KIAA0930: variants seen among roughly 807,000 people sequenced by gnomAD.
KIAA0930 encodes the protein KIAA0930.
A neutral mutation model predicts 43.9 loss-of-function variants in KIAA0930; 24 were observed. The ratio of observed to expected loss-of-function variants is 0.55; its 90% CI spans 0.40 to 0.77. The LOEUF (loss-of-function observed/expected upper bound fraction) is 0.77, where lower values mean the gene tolerates loss of function less well. Among genes scored for constraint, KIAA0930 ranks in the 30% least tolerant of loss-of-function variants. KIAA0930 has a pLI of 0.00. For synonymous variants in KIAA0930, 259 were observed against 216.4 expected (o/e 1.20, Z -1.73); for missense variants, 461 against 574.2 (o/e 0.80, Z 2.02).
At chr22:45,200,134 C>T in intron 7 of KIAA0930, 99 bp from the exon 8 acceptor site, 5 of 1,256,776 alleles carry the variant, frequency 4.0e-6, no homozygotes, top group Non-Finnish European at 5.3e-6. Flanking sequence ...CCTGACACAG[C>T]TCCCAGGGAA....
chr22:45,226,337 G>A (rs377401043), intron 1 of KIAA0930: 12 of 470,954 alleles, frequency 2.5e-5, no homozygotes, highest in African/African-American at 1.6e-4. Context: ...GTTGGGCTTC[G>A]TATCCAGTTC....
At position 45,193,430 on chromosome 22, in the gene KIAA0930, A is replaced by C. The variant is rs2083507802; in HGVS notation, c.*3746T>G. ...TTCCTCTGGGACATCTTTTAATGAA[A>C]AAAAAAAGTTTTACTTTGTTCTTCA... On this transcript the variant is annotated 3_prime_UTR_variant, in exon 10 of 10. Coordinates refer to ENST00000336156, the MANE Select transcript of KIAA0930 (RefSeq NM_001009880.2). 6.6e-6 allele frequency: 1 copy of C among 152,202 alleles called. No homozygotes were observed. The highest frequency in any genetic ancestry group is 1.9e-4 in the East Asian group (1 of 5,206). 9.4% of individuals were successfully genotyped at this position (152,202 alleles called of 1,614,324 possible). A position where few individuals can be genotyped will look rare whatever the true frequency, so the allele number is the denominator to read the frequency against.
intron 1 of KIAA0930, among the ~76,000 whole-genome samples, chr22:45,223,487 A>G (rs565871089): frequency 2.6e-5 from 4 of 152,272 alleles, no homozygotes; most frequent in African/African-American, 7.2e-5. Flanking sequence ...GGCAGTAACA[A>G]TGGTATCTAC....
chr22:45,230,574 C>A (rs1041170048), intron 1 of KIAA0930, among the ~76,000 whole-genome samples: 44 of 145,512 alleles, frequency 3.0e-4, no homozygotes, highest in Non-Finnish European at 5.3e-4. Flanking sequence ...TACCCCAGAT[C>A]ACATTCTTTT....
In KIAA0930 at chr22:45,201,100, G is replaced by A. The variant is rs937845955; in HGVS notation, c.853-1065C>T. 76 of 456,080 alleles carry A rather than the reference G, an allele frequency of 1.7e-4. 5 individuals carry two copies. The highest frequency in any genetic ancestry group is 1.6e-3 in the Middle Eastern group (2 of 1,218). 28.3% of individuals were successfully genotyped at this position (456,080 alleles called of 1,614,324 possible). A position where few individuals can be genotyped will look rare whatever the true frequency, so the allele number is the denominator to read the frequency against. ...CCGTCAGCCTCCTCGTCACGGCTCC[G>A]ACATCCACCAAAGTCCTGGCAGCTG... is the stretch of plus-strand genomic sequence containing the variant. On this transcript the variant is annotated intron_variant, in intron 7 of 9. Transcript: ENST00000336156.
At chr22:45,214,317 G>A (rs1738860116) in intron 1 of KIAA0930, among the ~76,000 whole-genome samples, 1 of 152,164 alleles carries the variant, frequency 6.6e-6, no homozygotes, top group Non-Finnish European at 1.5e-5. Context: ...ACAGAGACTG[G>A]TACACAAATG....
intron 1 of KIAA0930, among the ~76,000 whole-genome samples, chr22:45,216,146 G>A (rs867855062): frequency 1.3e-5 from 2 of 152,200 alleles, no homozygotes; most frequent in Non-Finnish European, 1.5e-5. Flanking sequence ...AGGAAAGGTC[G>A]GGACTGGAGG....
At chr22:45,230,469 T>C (rs1256111378) in intron 1 of KIAA0930, among the ~76,000 whole-genome samples, 1 of 152,080 alleles carries the variant, frequency 6.6e-6, no homozygotes, top group Non-Finnish European at 1.5e-5. Context: ...CCTCTCTATG[T>C]CCGGAGGAAA....
At chr22:45,198,297 C>T (rs533140695) in intron 8 of KIAA0930, among the ~76,000 whole-genome samples, 1 of 152,380 alleles carries the variant, frequency 6.6e-6, no homozygotes, top group Admixed American at 6.5e-5. Flanking sequence ...TAGGCACCGC[C>T]ACCTGCAGAG....
intron 1 of KIAA0930, among the ~76,000 whole-genome samples, chr22:45,228,579 T>C (rs1047046299): frequency 1.3e-5 from 2 of 152,126 alleles, no homozygotes; most frequent in Non-Finnish European, 2.9e-5. Flanking sequence ...AGTGTGAACC[T>C]TCATTGCCCT....
At position 45,211,723 on chromosome 22, in the gene KIAA0930, C is replaced by T. The variant is rs574497609; in HGVS notation, c.216+233G>A. Among the ~76,000 whole-genome samples the T allele has an allele frequency of 7.3e-4, 111 of 152,368 alleles. 1 individual carries two copies. The highest frequency in any genetic ancestry group is 2.6e-3 in the African/African-American group (109 of 41,578). ...GCTACGACGGTGACGGCAATCACTGCCCTTCAGGGTCACAGTGAAGATGAA... is the reference window on the plus strand; with the variant it reads ...GCTACGACGGTGACGGCAATCACTGTCCTTCAGGGTCACAGTGAAGATGAA... On this transcript the variant is annotated intron_variant, in intron 2 of 9. Coordinates refer to ENST00000336156, the MANE Select transcript of KIAA0930 (RefSeq NM_001009880.2).
At chr22:45,231,082 C>G (rs2083850455) in intron 1 of KIAA0930, among the ~76,000 whole-genome samples, 1 of 151,968 alleles carries the variant, frequency 6.6e-6, no homozygotes, top group African/African-American at 2.4e-5. Context: ...AACCCCATCT[C>G]TCTACTAAAA....
At chr22:45,204,330 G>A (rs1276914856) in intron 5 of KIAA0930, among the ~76,000 whole-genome samples, 1 of 152,164 alleles carries the variant, frequency 6.6e-6, no homozygotes, top group African/African-American at 2.4e-5. Flanking sequence ...CATCTTTGAG[G>A]CTCCTGTGTG....
intron 1 of KIAA0930, among the ~76,000 whole-genome samples, chr22:45,225,080 G>A (rs757195374): frequency 6.6e-6 from 1 of 152,138 alleles, no homozygotes; most frequent in Non-Finnish European, 1.5e-5. Flanking sequence ...CAAAGGTGGG[G>A]GTCAACTGGA....
chr22:45,200,114 C>T, intron 7 of KIAA0930, 79 bp from the exon 8 acceptor site: 5 of 1,371,086 alleles, frequency 3.6e-6, no homozygotes, highest in Non-Finnish European at 4.9e-6. Flanking sequence ...CCTATCCCAC[C>T]CTCAAACAAC....
Position 45,230,633 on chromosome 22 carries a change from G to C in KIAA0930, c.64+10007C>G, listed in dbSNP as rs573465184. Among the ~76,000 whole-genome samples, 23 of 146,424 alleles carry C rather than the reference G, an allele frequency of 1.6e-4. 1 individual carries two copies. In the South Asian group the frequency reaches 4.5e-3, roughly 29 times the overall value. The stretch of plus-strand genomic sequence containing the variant: ...GTCTTGCTCTGTCACCCAAGCTAGA[G>C]TACAGTGGCGCAATCTTGGTTCACT... On this transcript the variant is annotated intron_variant, in intron 1 of 9. Coordinates refer to ENST00000336156, the MANE Select transcript of KIAA0930 (RefSeq NM_001009880.2).
chr22:45,210,668 G>A (rs2083684608), intron 2 of KIAA0930, among the ~76,000 whole-genome samples: 1 of 150,678 alleles, frequency 6.6e-6, no homozygotes, highest in Non-Finnish European at 1.5e-5. Context: ...AGGTTCTGAG[G>A]AGCCCTGAGC....
chr22:45,200,124 C>T, intron 7 of KIAA0930, 89 bp from the exon 8 acceptor site: 2 of 1,308,844 alleles, frequency 1.5e-6, no homozygotes, highest in South Asian at 3.1e-5. Context: ...CCTCAAACAA[C>T]CTGACACAGC....
At chr22:45,197,760 C>A in intron 9 of KIAA0930, 30 bp downstream of exon 9, 1 of 1,610,358 alleles carries the variant, frequency 6.2e-7, no homozygotes, top group Non-Finnish European at 8.5e-7. Flanking sequence ...TGAGAAGGTG[C>A]GGCTGCTTCC....
Sources: gnomAD v4.1 joint callset for allele counts (sites outside exome capture counted in the v4.1 genomes callset) on GRCh38, gnomAD v4.1.1 for gene constraint, MANE v1.5 for transcripts, NCBI Gene and HGNC (gene_info 2026-07-23, HGNC 2026-07-21) for gene names.